PCLO: variants seen among roughly 807,000 people sequenced by gnomAD.
PCLO encodes piccolo presynaptic cytomatrix protein, also known as protein piccolo.
Under a neutral mutation model 427.5 loss-of-function variants are expected in PCLO, and 82 were observed. The observed-to-expected ratio is 0.19, with a 90% CI of 0.16 to 0.23. PCLO has a LOEUF of 0.23. PCLO is among the 10% of genes least tolerant of loss of function. The pLI is 1.00. For synonymous variants in PCLO, 2,357 were observed against 2,155.4 expected (o/e 1.09, Z -2.59); for missense variants, 6,239 against 6,115.9 (o/e 1.02, Z -0.67).
At chr7:83,060,089 G>T (rs1226898325) in intron 3 of PCLO, among the ~76,000 whole-genome samples, 1 of 152,102 alleles carries the variant, frequency 6.6e-6, no homozygotes, top group East Asian at 1.9e-4. Context: ...AGTTATTTTT[G>T]ATCTAGCAGA....
Position 83,162,423 on chromosome 7 carries a change from G to C in PCLO, c.170C>G (p.Ala57Gly). The change falls in exon 1 of 25, where the codon GCC (alanine) becomes GGC (glycine). Residue 57 changes from alanine to glycine, a missense_variant. Physicochemically the swap from Ala to Gly is moderately conservative, Grantham distance 60 (BLOSUM62 0). This residue lies in a region of PCLO where 4,677 missense variants were observed against 4,468.4 expected (regional missense o/e 1.05). Transcript: ENST00000333891. ...QLSEEERRQI[A>G]AVMSRAQGLP... ...CCCCTGCGCCCTTGACATGACAGCG[G>C]CGATCTGTCTCCTCTCCTCTTCGCT... is the stretch of plus-strand genomic sequence containing the variant. 1.3e-6 allele frequency: 2 copies of C among 1,597,200 alleles called. No individual in the cohort carries two copies. Among genetic ancestry groups the C allele is most frequent in the Non-Finnish European group, 1.7e-6 (2 of 1,171,858 alleles).
intron 3 of PCLO, among the ~76,000 whole-genome samples, chr7:83,057,348 ATTTTT>A (rs1199445166): frequency 5.1e-5 from 1 of 19,622 alleles, no homozygotes; most frequent in Non-Finnish European, 9.0e-5. Flanking sequence ...ATATATATAT[ATTTTT>A]TTTTTTTTTT....
chr7:82,818,800 T>C (rs1239167858), intron 20 of PCLO, among the ~76,000 whole-genome samples: 1 of 152,150 alleles, frequency 6.6e-6, no homozygotes, highest in Non-Finnish European at 1.5e-5. Context: ...ATCCACTTAA[T>C]GTGATAAAAT....
At chr7:82,982,510 C>CT (rs1429266826) in intron 3 of PCLO, among the ~76,000 whole-genome samples, 1 of 152,034 alleles carries the variant, frequency 6.6e-6, no homozygotes, top group Non-Finnish European at 1.5e-5. Context: ...ATAAGCAAGC[C>CT]TTTGCTCTCC....
At chr7:83,094,210 C>CTGTTT (rs61363541) in intron 3 of PCLO, among the ~76,000 whole-genome samples, 2,822 of 125,966 alleles carry the variant, frequency 0.022, 110 homozygotes, top group African/African-American at 0.051. Flanking sequence ...ATTTTTTTTT[C>CTGTTT]TTTTTTTTTT....
chr7:83,028,225 A>G (rs1310489476), intron 3 of PCLO, among the ~76,000 whole-genome samples: 5 of 151,250 alleles, frequency 3.3e-5, no homozygotes, highest in Admixed American at 3.3e-4. Context: ...CTCAGCCCAA[A>G]ATCTCCTTAA....
At chr7:82,823,489 G>T (rs1791846914) in intron 19 of PCLO, among the ~76,000 whole-genome samples, 1 of 152,086 alleles carries the variant, frequency 6.6e-6, no homozygotes, top group Non-Finnish European at 1.5e-5. Context: ...TCTAGGTAAG[G>T]TACCACATGT....
At chr7:83,101,810 T>C (rs1365032866) in intron 3 of PCLO, among the ~76,000 whole-genome samples, 1 of 152,130 alleles carries the variant, frequency 6.6e-6, no homozygotes, top group African/African-American at 2.4e-5. Context: ...TTCAGAATCA[T>C]CCTCTCCAGA....
chr7:82,761,459 T>C lies in PCLO; in HGVS notation c.15042A>G (p.Ala5014=). 1 of 1,599,212 alleles carries C rather than the reference T, an allele frequency of 6.3e-7. No homozygotes were observed. Among genetic ancestry groups the C allele is most frequent in the East Asian group, 2.2e-5 (1 of 44,642 alleles). ...CATCTGTCTTCATTTCCTTCTTCAA[T>C]GCAATCTTGATTTCTCCCATTACCT... ...KTQVMGEIKI[A]LKKEMKTDGE... The change falls in exon 23 of 25, where the codon GCA becomes GCG. Residue 5014 remains alanine, a synonymous_variant. Coordinates refer to ENST00000333891, the MANE Select transcript of PCLO (RefSeq NM_033026.6).
intron 3 of PCLO, among the ~76,000 whole-genome samples, chr7:83,070,022 A>G (rs1789772231): frequency 6.6e-6 from 1 of 152,130 alleles, no homozygotes; most frequent in South Asian, 2.1e-4. Context: ...AGAATTGGTT[A>G]TAGAAGATAT....
intron 3 of PCLO, among the ~76,000 whole-genome samples, chr7:83,123,618 G>A (rs991863280): frequency 6.6e-6 from 1 of 151,970 alleles, no homozygotes; most frequent in African/African-American, 2.4e-5. Flanking sequence ...AGCAAAAGTT[G>A]AAAAATGGGA....
chr7:82,901,709 G>A (rs566668253), intron 9 of PCLO, among the ~76,000 whole-genome samples: 2 of 152,110 alleles, frequency 1.3e-5, no homozygotes, highest in African/African-American at 2.4e-5. Flanking sequence ...AATCTACAAC[G>A]AACTCAAACA....
At chr7:82,834,907 TTAGG>T (rs1179818500) in intron 16 of PCLO, among the ~76,000 whole-genome samples, 17 of 152,088 alleles carry the variant, frequency 1.1e-4, no homozygotes, top group Non-Finnish European at 2.1e-4. Context: ...TGTTTCAACA[TTAGG>T]TTCAAGTGAG....
chr7:83,040,956 G>A (rs963222310), intron 3 of PCLO, among the ~76,000 whole-genome samples: 21 of 151,954 alleles, frequency 1.4e-4, no homozygotes, highest in African/African-American at 5.1e-4. Context: ...AATTTTAAAA[G>A]GATAATTGTG....
Position 82,757,056 on chromosome 7 carries a change from T to C in PCLO, c.*1519A>G, listed in dbSNP as rs1790333179. 1 of 152,080 alleles carries C rather than the reference T, an allele frequency of 6.6e-6. No individual in the cohort carries two copies. Among genetic ancestry groups the C allele is most frequent in the Non-Finnish European group, 1.5e-5 (1 of 67,982 alleles). The allele number at this position is 152,080 out of a possible 1,614,324, so 9.4% of individuals were successfully genotyped here. ...CTTTCATCTTTCATGGATCATTGAT[T>C]TATCATCACAACATCTCATTTGGAA... is the stretch of plus-strand genomic sequence containing the variant. On this transcript the variant is annotated 3_prime_UTR_variant, in exon 25 of 25. Transcript: ENST00000333891.
In PCLO at chr7:82,793,867, C is replaced by T. The variant is rs1052534490; in HGVS notation, c.15007+7651G>A. The stretch of plus-strand genomic sequence containing the variant: ...AGGGTATGCTTCTATGTGGTTAATT[C>T]GCTATTTTGGTGGAGCATATCTTCA... On this transcript the variant is annotated intron_variant, in intron 22 of 24. Transcript: ENST00000333891. Among the ~76,000 whole-genome samples, 18 of 152,178 alleles carry T rather than the reference C, an allele frequency of 1.2e-4. No homozygotes were observed. In the East Asian group the frequency reaches 2.3e-3, roughly 20 times the overall value.
intron 22 of PCLO, among the ~76,000 whole-genome samples, chr7:82,775,449 A>C (rs1475245191): frequency 6.6e-6 from 1 of 152,158 alleles, no homozygotes; most frequent in Non-Finnish European, 1.5e-5. Flanking sequence ...GTGTAGGGGT[A>C]TATCACTGTT....
chr7:83,150,334 C>T (rs1191584686), intron 2 of PCLO, among the ~76,000 whole-genome samples: 1 of 152,202 alleles, frequency 6.6e-6, no homozygotes, highest in Non-Finnish European at 1.5e-5. Context: ...AGAAGAGATA[C>T]AGCTATACAC....
rs201925292 is a variant in PCLO at position 82,951,945 on chromosome 7, C to A, written c.9008G>T (p.Gly3003Val). 1.7e-5 allele frequency: 28 copies of A among 1,613,874 alleles called. No homozygotes were observed. In the African/African-American group the frequency reaches 3.1e-4, roughly 18 times the overall value. The change falls in exon 5 of 25, where the codon GGA becomes GTA. Residue 3003 changes from glycine (G) to valine (V), a missense_variant. Around this residue, in one of 5 missense-constraint regions of PCLO, gnomAD observed 4,677 missense variants for 4,468.4 expected, o/e 1.05. Coordinates refer to ENST00000333891, the MANE Select transcript of PCLO (RefSeq NM_033026.6). Reference sequence around the variant, plus strand: ...ATTCTTACTTTTATAGAAAAAATGTCCAGCTTCTGCTAAATTTGTGTCAGA... The same window carrying A: ...ATTCTTACTTTTATAGAAAAAATGTACAGCTTCTGCTAAATTTGTGTCAGA... ...SMSDTNLAEA[G>V]HFFYKSKNAF...
Sources: gnomAD v4.1 joint callset for allele counts (sites outside exome capture counted in the v4.1 genomes callset) on GRCh38, gnomAD v4.1.1 for gene constraint, gnomAD v4.1.1 regional missense constraint, MANE v1.5 for transcripts, NCBI Gene and HGNC (gene_info 2026-07-23, HGNC 2026-07-21) for gene names.